Variants in DCDC1 observed in about 807,000 individuals in gnomAD.
DCDC1 encodes doublecortin domain-containing protein 1.
A neutral mutation model predicts 178.3 loss-of-function variants in DCDC1; 200 were observed. The ratio of observed to expected loss-of-function variants is 1.12; its 90% CI spans 1.00 to 1.26. The LOEUF is 1.26. DCDC1 is among the 50% of genes most tolerant of loss of function. The probability of loss-of-function intolerance (pLI) is 0.00; values close to 1 mark genes in which losing one functional copy is unlikely to be tolerated. For missense variants in DCDC1, 1,983 were observed against 1,749.2 expected, an observed-to-expected ratio of 1.13 and a Z score of -2.38; for synonymous variants, 690 against 604.8, an observed-to-expected ratio of 1.14 and a Z score of -2.07.
chr11:31,120,143 T>C (rs1244400861), intron 11 of DCDC1, among the ~76,000 whole-genome samples: 2 of 152,190 alleles, frequency 1.3e-5, no homozygotes, highest in Non-Finnish European at 2.9e-5. Flanking sequence ...AGATGCTGGA[T>C]GAAGACATCC....
chr11:31,347,975 T>A (rs1383323764), intron 1 of DCDC1, among the ~76,000 whole-genome samples: 4 of 152,206 alleles, frequency 2.6e-5, no homozygotes, highest in African/African-American at 7.2e-5. Context: ...TTCCTTTCTA[T>A]CAAATAAATA....
intron 9 of DCDC1, among the ~76,000 whole-genome samples, chr11:31,202,079 T>C (rs1413590791): frequency 2.0e-5 from 3 of 152,162 alleles, no homozygotes; most frequent in African/African-American, 7.2e-5. Context: ...CATAGTGCAC[T>C]GCAGTGTCAA....
At chr11:31,312,490 C>T (rs1948829768) in intron 3 of DCDC1, among the ~76,000 whole-genome samples, 1 of 152,116 alleles carries the variant, frequency 6.6e-6, no homozygotes, top group African/African-American at 2.4e-5. Flanking sequence ...AGGATGTTTC[C>T]AGAAGAGATT....
intron 1 of DCDC1, among the ~76,000 whole-genome samples, chr11:31,366,622 C>T (rs1408338232): frequency 6.6e-6 from 1 of 152,100 alleles, no homozygotes; most frequent in Non-Finnish European, 1.5e-5. Context: ...AGCATTTGAA[C>T]ACAATTATTG....
Position 31,180,602 on chromosome 11 carries a change from G to A in DCDC1, c.1222-42818C>T, listed in dbSNP as rs1968659129. On this transcript the variant is annotated intron_variant, in intron 9 of 38. Transcript: ENST00000684477. ...CTCAGCCGGGAAGCACAGAGGGTTGGGGAACTCCCTCCACTAGCCAAGGGA... is the reference window on the plus strand; with the variant it reads ...CTCAGCCGGGAAGCACAGAGGGTTGAGGAACTCCCTCCACTAGCCAAGGGA... 2.6e-5 allele frequency among the ~76,000 whole-genome samples: 4 copies of A among 152,112 alleles called. No individual in the cohort carries two copies. In the South Asian group the frequency reaches 8.3e-4, roughly 31 times the overall value.
intron 28 of DCDC1, among the ~76,000 whole-genome samples, chr11:30,910,674 G>A (rs577916429): frequency 6.6e-6 from 1 of 151,856 alleles, no homozygotes; most frequent in African/African-American, 2.4e-5. Context: ...ACACATATTC[G>A]TTTAAGAGTG....
chr11:31,099,576 G>A (rs1173623509), intron 15 of DCDC1, among the ~76,000 whole-genome samples: 4 of 152,142 alleles, frequency 2.6e-5, no homozygotes, highest in Admixed American at 6.5e-5. Flanking sequence ...ACAGCATCTA[G>A]TTCAATGTCA....
At chr11:31,363,351 A>T (rs1360798689) in intron 1 of DCDC1, among the ~76,000 whole-genome samples, 2 of 152,170 alleles carry the variant, frequency 1.3e-5, no homozygotes, top group Non-Finnish European at 2.9e-5. Context: ...ATCTTATTTT[A>T]AAACAAGAGT....
intron 9 of DCDC1, among the ~76,000 whole-genome samples, chr11:31,139,008 G>A (rs185031732): frequency 1.3e-4 from 19 of 151,718 alleles, no homozygotes; most frequent in South Asian, 4.2e-4. Context: ...GGGCCAGATC[G>A]TAAATATTTT....
chr11:31,328,189 C>T lies in DCDC1; in HGVS notation c.92G>A (p.Ser31Asn), dbSNP rs764807716. The stretch of plus-strand genomic sequence containing the variant: ...CCCATCCAAAGTGCCTTCAGGGCTA[C>T]TTTGCTGTAATACTTCCATTGCTTC... ...LTEAMEVLQQ[S>N]SPEGTLDGNT... The change falls in exon 3 of 39, where the codon AGT (serine) becomes AAT (asparagine). Residue 31 changes from serine (S) to asparagine (N), a missense_variant. Ser to Asn is a conservative substitution (Grantham distance 46). Coordinates refer to ENST00000684477, the MANE Select transcript of DCDC1 (RefSeq NM_001387274.1). 1.2e-6 allele frequency: 2 copies of T among 1,612,428 alleles called. No homozygotes were observed. Among genetic ancestry groups the T allele is most frequent in the Admixed American group, 3.3e-5 (2 of 59,964 alleles).
intron 21 of DCDC1, among the ~76,000 whole-genome samples, chr11:30,947,484 G>T (rs1948123337): frequency 6.6e-6 from 1 of 152,076 alleles, no homozygotes; most frequent in African/African-American, 2.4e-5. Flanking sequence ...TTCAATAAAT[G>T]GTGCTGGGGG....
chr11:31,331,613 C>A (rs113828849), intron 2 of DCDC1, among the ~76,000 whole-genome samples: 3 of 152,022 alleles, frequency 2.0e-5, no homozygotes, highest in Non-Finnish European at 4.4e-5. Context: ...TTGTCGAAGG[C>A]CTTTTCTGCA....
At chr11:31,183,763 T>G (rs1969134524) in intron 9 of DCDC1, among the ~76,000 whole-genome samples, 1 of 151,954 alleles carries the variant, frequency 6.6e-6, no homozygotes, top group Non-Finnish European at 1.5e-5. Context: ...AACCACTGCT[T>G]AAGGAAATAA....
Position 31,103,792 on chromosome 11 carries a change from A to G in DCDC1, c.1752-23T>C, listed in dbSNP as rs748458724. The G allele has an allele frequency of 5.3e-6, 4 of 758,074 alleles. No homozygotes were observed. The South Asian group carries it at 5.5e-5, about 10-fold the overall frequency. The allele number at this position is 758,074 out of a possible 1,614,324, so 47.0% of individuals were successfully genotyped here. A position where few individuals can be genotyped will look rare whatever the true frequency, so the allele number is the denominator to read the frequency against. On this transcript the variant is annotated intron_variant, in intron 13 of 38. Transcript: ENST00000684477. ...GATCTGAAAAACGGATAAAACATCA[A>G]AACTATCTTCAAAATTAGACATACA...
In DCDC1 at chr11:31,102,276, T is replaced by G. The variant is rs774779444; in HGVS notation, c.1884A>C (p.Glu628Asp). 1 of 700,604 alleles carries G rather than the reference T, an allele frequency of 1.4e-6. No individual in the cohort carries two copies. The highest frequency in any genetic ancestry group is 2.7e-6 in the Non-Finnish European group (1 of 377,228). The allele number at this position is 700,604 out of a possible 1,614,324, so 43.4% of individuals were successfully genotyped here. A position where few individuals can be genotyped will look rare whatever the true frequency, so the allele number is the denominator to read the frequency against. The part of the protein sequence containing the change: ...AVLLPGCGNW[E>D]VCEGFPINFN... The stretch of plus-strand genomic sequence containing the variant: ...AATTAATTGGAAATCCCTCACAAAC[T>G]TCCCAACTAAGAAAAGTAAAATACG... Residue 628 changes from glutamate to aspartate, a missense_variant, in exon 15 of 39, where the codon GAA becomes GAC. Transcript: ENST00000684477.
intron 21 of DCDC1, among the ~76,000 whole-genome samples, chr11:30,942,596 A>G (rs1056102060): frequency 1.3e-5 from 2 of 152,196 alleles, no homozygotes; most frequent in African/African-American, 4.8e-5. Context: ...GTTCTTTTCA[A>G]TATCCCAAGT....
intron 36 of DCDC1, among the ~76,000 whole-genome samples, chr11:30,884,443 C>T (rs2133993316): frequency 6.6e-6 from 1 of 152,124 alleles, no homozygotes; most frequent in African/African-American, 2.4e-5. Flanking sequence ...ATAAGAGAAA[C>T]AGTTCCTTTA....
intron 8 of DCDC1, among the ~76,000 whole-genome samples, chr11:31,257,446 C>T (rs1258750897): frequency 1.3e-5 from 2 of 152,110 alleles, no homozygotes; most frequent in Non-Finnish European, 2.9e-5. Context: ...AACACTCTAT[C>T]TTCTTCAGTT....
intron 9 of DCDC1, among the ~76,000 whole-genome samples, chr11:31,184,437 T>C (rs1298329523): frequency 2.0e-5 from 3 of 151,988 alleles, no homozygotes; most frequent in Non-Finnish European, 4.4e-5. Flanking sequence ...AATTGACAAA[T>C]GGGATCTAAT....
Sources: allele counts gnomAD v4.1 joint callset (sites outside exome capture counted in the v4.1 genomes callset), GRCh38; gene constraint gnomAD v4.1.1; transcripts MANE v1.5; gene names NCBI Gene and HGNC (gene_info 2026-07-23, HGNC 2026-07-21).